The following DNAH11 variants were observed in gnomAD, a reference collection of about 807,000 sequenced individuals.
DNAH11 encodes the protein dynein axonemal heavy chain 11, also known as axonemal beta dynein heavy chain 11.
DNAH11 carries 442 observed loss-of-function variants against 526.0 expected under a neutral mutation model. The ratio of observed to expected loss-of-function variants is 0.84; its 90% confidence interval spans 0.78 to 0.91. The LOEUF is 0.91. DNAH11 is among the 40% of genes least tolerant of loss of function. DNAH11 has a pLI of 0.00. For missense variants in DNAH11, 6,989 were observed against 5,448.7 expected (o/e 1.28, Z -8.90); for synonymous variants, 2,461 against 1,935.9 (o/e 1.27, Z -7.12).
At chr7:21,890,387 G>A (rs1784289086) in intron 76 of DNAH11, among the ~76,000 whole-genome samples, 1 of 152,184 alleles carries the variant, frequency 6.6e-6, no homozygotes, top group African/African-American at 2.4e-5. Flanking sequence ...AGCAGTACAT[G>A]AGCACGCATT....
At chr7:21,834,431 A>C (rs1781913023) in intron 65 of DNAH11, among the ~76,000 whole-genome samples, 1 of 152,196 alleles carries the variant, frequency 6.6e-6, no homozygotes, top group Non-Finnish European at 1.5e-5. Context: ...AGGATCTAAA[A>C]AAGACAAGAA....
chr7:21,779,134 G>C (rs1350537827), intron 57 of DNAH11, 30 bp downstream of exon 57: 1 of 1,595,066 alleles, frequency 6.3e-7, no homozygotes, highest in Non-Finnish European at 8.6e-7. Flanking sequence ...TTAGAGTGCG[G>C]AGCTATATTT....
rs1212849229 is a variant in DNAH11 at position 21,591,219 on chromosome 7, A to G, written c.2309A>G (p.Tyr770Cys). 1.5e-5 allele frequency: 23 copies of G among 1,572,014 alleles called. No individual in the cohort carries two copies. Among genetic ancestry groups the G allele is most frequent in the East Asian group, 2.2e-5 (1 of 44,546 alleles). ...IGNLDLLVQG[Y>C]NKLKQTLLEV... The stretch of plus-strand genomic sequence containing the variant: ...AATCTTGACCTTCTTGTGCAAGGGT[A>G]TAATAAACTCAAACAGACGCTCCTG... Residue 770 changes from tyrosine to cysteine, a missense_variant, in exon 14 of 82, where the codon TAT becomes TGT. By Grantham distance (194) the Tyr-to-Cys change is radical. Transcript: ENST00000409508.
chr7:21,617,803 A>G (rs1240182574), intron 23 of DNAH11, 26 bp downstream of exon 23: 6 of 1,549,742 alleles, frequency 3.9e-6, no homozygotes, highest in Non-Finnish European at 1.7e-6. Context: ...CTCACTAATG[A>G]ACCTTTTTAT....
intron 2 of DNAH11, among the ~76,000 whole-genome samples, chr7:21,558,138 A>G (rs1439554420): frequency 6.6e-6 from 1 of 152,240 alleles, no homozygotes; most frequent in African/African-American, 2.4e-5. Flanking sequence ...TATATAGATT[A>G]TATCAGAAAA....
chr7:21,607,702 T>C (rs1417915631), intron 20 of DNAH11, among the ~76,000 whole-genome samples: 1 of 151,754 alleles, frequency 6.6e-6, no homozygotes, highest in East Asian at 1.9e-4. Flanking sequence ...GGATTCGAGG[T>C]GGGCATATCA....
At chr7:21,598,328 C>G (rs529063885) in intron 14 of DNAH11, among the ~76,000 whole-genome samples, 6 of 152,260 alleles carry the variant, frequency 3.9e-5, no homozygotes, top group African/African-American at 1.4e-4. Context: ...AACTTTGCTG[C>G]CCACCTGACC....
At chr7:21,548,719 C>T (rs987225948) in intron 2 of DNAH11, among the ~76,000 whole-genome samples, 2 of 152,092 alleles carry the variant, frequency 1.3e-5, no homozygotes, top group African/African-American at 2.4e-5. Flanking sequence ...GCCTGACTCA[C>T]TCGTGATGTT....
At chr7:21,593,679 A>G (rs1462766107) in intron 14 of DNAH11, among the ~76,000 whole-genome samples, 2 of 152,148 alleles carry the variant, frequency 1.3e-5, no homozygotes, top group Non-Finnish European at 2.9e-5. Context: ...TGGTGCTCAC[A>G]GATGTGCAAT....
At chr7:21,704,088 A>G (rs1784165722) in intron 37 of DNAH11, among the ~76,000 whole-genome samples, 1 of 152,226 alleles carries the variant, frequency 6.6e-6, no homozygotes, top group South Asian at 2.1e-4. Context: ...TTTGGATAAA[A>G]TGATCTGATG....
intron 67 of DNAH11, among the ~76,000 whole-genome samples, chr7:21,854,094 C>G (rs1236714620): frequency 6.6e-6 from 1 of 152,098 alleles, no homozygotes; most frequent in Non-Finnish European, 1.5e-5. Flanking sequence ...TAGAAAACCG[C>G]TAGAGTTATG....
Position 21,840,165 on chromosome 7 carries a change from C to T in DNAH11, c.10692-2379C>T, listed in dbSNP as rs192803817. Among the ~76,000 whole-genome samples the T allele has an allele frequency of 1.4e-4, 22 of 152,264 alleles. 1 individual carries two copies. In the East Asian group the frequency reaches 3.1e-3, roughly 21 times the overall value. On this transcript the variant is annotated intron_variant, in intron 65 of 81. Coordinates refer to ENST00000409508, the MANE Select transcript of DNAH11 (RefSeq NM_001277115.2). Reference sequence around the variant, plus strand: ...CTTTATGGCATTCTGGATATCACTCCTCAAATTAAAAATTGTTGCTAATAT... The same window carrying T: ...CTTTATGGCATTCTGGATATCACTCTTCAAATTAAAAATTGTTGCTAATAT...
At chr7:21,744,832 G>T (rs1350126963) in intron 50 of DNAH11, 38 bp from the exon 51 acceptor site, 1 of 1,574,490 alleles carries the variant, frequency 6.4e-7, no homozygotes, top group Admixed American at 1.9e-5. Flanking sequence ...CTCTATGGAT[G>T]GTTGACATGC....
rs202148932 is a variant in DNAH11, at chr7:21,861,927, C to A, written c.11277C>A (p.Ile3759=). Residue 3759 remains isoleucine, a synonymous_variant, in exon 69 of 82, where the codon ATC becomes ATA. Coordinates refer to ENST00000409508, the MANE Select transcript of DNAH11 (RefSeq NM_001277115.2). The part of the protein sequence containing the change: ...KVEDMQGRIS[I]LMESITHAVF... Reference sequence around the variant, plus strand: ...AAGACATGCAGGGACGCATCTCTATCCTGATGGAGAGCATCACCCATGCTG... The same window carrying A: ...AAGACATGCAGGGACGCATCTCTATACTGATGGAGAGCATCACCCATGCTG... 2.5e-6 allele frequency: 4 copies of A among 1,613,608 alleles called. No individual in the cohort carries two copies. The highest frequency in any genetic ancestry group is 3.4e-6 in the Non-Finnish European group (4 of 1,179,752).
intron 31 of DNAH11, among the ~76,000 whole-genome samples, chr7:21,681,879 C>G (rs1331420053): frequency 1.3e-5 from 2 of 151,978 alleles, no homozygotes; most frequent in Non-Finnish European, 2.9e-5. Context: ...AAGTGATATC[C>G]CAAAAGGTTT....
intron 47 of DNAH11, 51 bp downstream of exon 47, chr7:21,738,917 G>C: frequency 2.1e-5 from 27 of 1,314,230 alleles, no homozygotes; most frequent in Non-Finnish European, 2.4e-5. Context: ...TAATTATTAT[G>C]GATAATAATT....
rs746440254 is a variant in DNAH11 at position 21,842,706 on chromosome 7, A to G, written c.10854A>G (p.Ala3618=). The G allele has an allele frequency of 6.2e-7, 1 of 1,613,480 alleles. No homozygotes were observed. Among genetic ancestry groups the G allele is most frequent in the Non-Finnish European group, 8.5e-7 (1 of 1,179,636 alleles). The change falls in exon 66 of 82, where the codon GCA becomes GCG. Residue 3618 remains alanine, a synonymous_variant. Coordinates refer to ENST00000409508, the MANE Select transcript of DNAH11 (RefSeq NM_001277115.2). ...TEDGLEAQLL[A]EVVSIERPDL... Reference sequence around the variant, plus strand: ...ATGGTCTAGAAGCCCAGCTGCTGGCAGAGGTTGTCAGTATTGAAAGGCCAG... The same window carrying G: ...ATGGTCTAGAAGCCCAGCTGCTGGCGGAGGTTGTCAGTATTGAAAGGCCAG...
At position 21,600,868 on chromosome 7, in the gene DNAH11, G is replaced by C. The variant is rs1337480136; in HGVS notation, c.3193G>C (p.Asp1065His). 1.2e-6 allele frequency: 2 copies of C among 1,613,942 alleles called. No homozygotes were observed. The highest frequency in any genetic ancestry group is 1.7e-6 in the Non-Finnish European group (2 of 1,179,858). ...CCATGCTGTGTCTTCCGATGAAATG[G>C]ATGCTCATGCAAATGAAGAAATTCC... Reference protein sequence around the residue: ...YGHAVSSDEMDAHANEEIPEQ... With the variant: ...YGHAVSSDEMHAHANEEIPEQ... Residue 1065 changes from aspartate to histidine, a missense_variant, in exon 16 of 82, where the codon GAT (aspartate) becomes CAT (histidine). Physicochemically the swap from Asp to His is moderately conservative, Grantham distance 81 (BLOSUM62 -1). Transcript: ENST00000409508.
At chr7:21,556,660 T>C (rs968024379) in intron 2 of DNAH11, among the ~76,000 whole-genome samples, 2 of 152,170 alleles carry the variant, frequency 1.3e-5, no homozygotes, top group African/African-American at 4.8e-5. Flanking sequence ...AGTTCTTTAG[T>C]CCTCACCCTC....
Sources: gnomAD v4.1 joint callset for allele counts (sites outside exome capture counted in the v4.1 genomes callset) on GRCh38, gnomAD v4.1.1 for gene constraint, MANE v1.5 for transcripts, NCBI Gene and HGNC (gene_info 2026-07-23, HGNC 2026-07-21) for gene names.